Variants in ARFGEF3 observed in about 807,000 individuals in gnomAD.
ARFGEF3 encodes the protein ARFGEF family member 3.
Under a neutral mutation model 221.7 loss-of-function variants are expected in ARFGEF3, and 96 were observed. That is an observed-to-expected ratio of 0.43 (90% CI 0.37 to 0.51). ARFGEF3 has a LOEUF of 0.51. ARFGEF3 is among the 20% of genes least tolerant of loss of function. ARFGEF3 has a pLI of 0.00. For synonymous variants in ARFGEF3, 1,145 were observed against 1,126.8 expected (o/e 1.02, Z -0.32); for missense variants, 2,410 against 2,789.9 (o/e 0.86, Z 3.07).
At position 138,246,156 on chromosome 6, in the gene ARFGEF3, C is replaced by T. The variant is rs112544335; in HGVS notation, c.665+565C>T. On this transcript the variant is annotated intron_variant, in intron 8 of 33. Coordinates refer to ENST00000251691, the MANE Select transcript of ARFGEF3 (RefSeq NM_020340.5). ...TTCACTTAGGTGATGCCTGCTGCTC[C>T]ATCTTTCCGTGCAGTCATTAACAAG... is the stretch of plus-strand genomic sequence containing the variant. Among the ~76,000 whole-genome samples the T allele has an allele frequency of 1.3e-3, 192 of 152,300 alleles. 1 individual carries two copies. Among genetic ancestry groups the T allele is most frequent in the African/African-American group, 4.5e-3 (185 of 41,562 alleles).
chr6:138,209,543 G>A (rs1035498259), intron 3 of ARFGEF3, among the ~76,000 whole-genome samples: 3 of 152,070 alleles, frequency 2.0e-5, no homozygotes, highest in African/African-American at 7.2e-5. Flanking sequence ...TCCGCCTCCC[G>A]GGTTCAAGCA....
chr6:138,248,644 G>A (rs1482377714), intron 8 of ARFGEF3, among the ~76,000 whole-genome samples: 1 of 151,994 alleles, frequency 6.6e-6, no homozygotes, highest in East Asian at 1.9e-4. Context: ...GGCCAACATG[G>A]TGAAACCCCA....
At chr6:138,234,818 G>A (rs1778255782) in intron 5 of ARFGEF3, among the ~76,000 whole-genome samples, 1 of 151,932 alleles carries the variant, frequency 6.6e-6, no homozygotes, top group Non-Finnish European at 1.5e-5. Flanking sequence ...AAATATACTA[G>A]CTCACCTCTT....
chr6:138,265,149 C>T (rs1221506848), intron 12 of ARFGEF3, among the ~76,000 whole-genome samples: 7 of 152,026 alleles, frequency 4.6e-5, no homozygotes, highest in East Asian at 1.9e-4. Flanking sequence ...GTGATCCGCC[C>T]GCCTTGGCCT....
chr6:138,333,043 T>G (rs1373369911), intron 32 of ARFGEF3, among the ~76,000 whole-genome samples: 1 of 152,256 alleles, frequency 6.6e-6, no homozygotes, highest in Non-Finnish European at 1.5e-5. Context: ...TTAATAACGG[T>G]TGTCATAATT....
chr6:138,268,872 G>T (rs903404083), intron 12 of ARFGEF3, among the ~76,000 whole-genome samples: 6 of 152,194 alleles, frequency 3.9e-5, no homozygotes, highest in African/African-American at 1.4e-4. Flanking sequence ...AGATAGTGTA[G>T]CAAGTATAAA....
intron 32 of ARFGEF3, among the ~76,000 whole-genome samples, chr6:138,329,285 C>G (rs2114691916): frequency 6.6e-6 from 1 of 152,266 alleles, no homozygotes; most frequent in South Asian, 2.1e-4. Flanking sequence ...TATTCCTACT[C>G]CCATTTCACC....
intron 17 of ARFGEF3, among the ~76,000 whole-genome samples, chr6:138,289,400 C>G (rs943955267): frequency 2.0e-5 from 3 of 152,182 alleles, no homozygotes; most frequent in Non-Finnish European, 4.4e-5. Context: ...ATAATGAGAG[C>G]CTAACATTAC....
chr6:138,266,571 T>C (rs1474483503), intron 12 of ARFGEF3, among the ~76,000 whole-genome samples: 1 of 151,788 alleles, frequency 6.6e-6, no homozygotes. Context: ...ATAGTTCGGC[T>C]GGGTGCGGTG....
Position 138,191,348 on chromosome 6 carries a change from C to T in ARFGEF3, c.138-15694C>T, listed in dbSNP as rs114150969. Among the ~76,000 whole-genome samples, 481 of 152,196 alleles carry T rather than the reference C, an allele frequency of 3.2e-3. 4 individuals are homozygous for T. The highest frequency in any genetic ancestry group is 0.011 in the African/African-American group (454 of 41,516). On this transcript the variant is annotated intron_variant, in intron 2 of 33. Coordinates refer to ENST00000251691, the MANE Select transcript of ARFGEF3 (RefSeq NM_020340.5). ...ATCAAATTAAATGAGATAATGTATA[C>T]CAAGTCAGAATGCCTGGCACAGAGT... is the stretch of plus-strand genomic sequence containing the variant.
intron 12 of ARFGEF3, among the ~76,000 whole-genome samples, chr6:138,277,640 G>A (rs920075825): frequency 1.3e-5 from 2 of 152,044 alleles, no homozygotes; most frequent in Non-Finnish European, 2.9e-5. Context: ...TACTCATTCG[G>A]CAAATGTTTT....
At position 138,255,610 on chromosome 6, in the gene ARFGEF3, C is replaced by T. The variant is rs756701058; in HGVS notation, c.945C>T (p.Ser315=). The T allele has an allele frequency of 1.2e-5, 19 of 1,613,954 alleles. 1 individual carries two copies. The highest frequency in any genetic ancestry group is 9.9e-5 in the South Asian group (9 of 91,076). The part of the protein sequence containing the change: ...SGCSCTAPAL[S]GPVARTIYYI... ...GCTCCTGCACTGCGCCGGCCCTGAG[C>T]GGACCTGTGGCTCGGACTATCTATT... Residue 315 remains serine, a synonymous_variant, in exon 10 of 34, where the codon AGC becomes AGT. Coordinates refer to ENST00000251691, the MANE Select transcript of ARFGEF3 (RefSeq NM_020340.5).
intron 23 of ARFGEF3, among the ~76,000 whole-genome samples, chr6:138,308,004 C>T (rs982224025): frequency 4.6e-5 from 7 of 152,218 alleles, no homozygotes; most frequent in East Asian, 1.9e-4. Context: ...CCTGTGCTCT[C>T]GCCCTCCCAG....
chr6:138,292,041 C>A lies in ARFGEF3; in HGVS notation c.3356C>A (p.Thr1119Lys), dbSNP rs558711704. ...SAAKVVLTLS[T>K]QADRLFEDAT... ...GCCAAGGTGGTGCTCACCCTCTCCACGCAAGCCGACAGGTGCGCGGCGCCG... is the reference window on the plus strand; with the variant it reads ...GCCAAGGTGGTGCTCACCCTCTCCAAGCAAGCCGACAGGTGCGCGGCGCCG... The change falls in exon 19 of 34, where the codon ACG becomes AAG. Residue 1119 changes from threonine (T) to lysine (K), a missense_variant. Transcript: ENST00000251691. 1.4e-6 allele frequency: 2 copies of A among 1,450,538 alleles called. No individual in the cohort carries two copies. The highest frequency in any genetic ancestry group is 1.5e-5 in the African/African-American group (1 of 68,092). The allele number at this position is 1,450,538 out of a possible 1,614,324, so 89.9% of individuals were successfully genotyped here. A position where few individuals can be genotyped will look rare whatever the true frequency, so the allele number is the denominator to read the frequency against.
chr6:138,221,444 T>C (rs552758412), intron 4 of ARFGEF3, among the ~76,000 whole-genome samples: 37 of 152,326 alleles, frequency 2.4e-4, no homozygotes, highest in African/African-American at 8.9e-4. Context: ...AAAGAAATTA[T>C]TTGGTCTAAT....
At chr6:138,217,036 G>C (rs1433992777) in intron 4 of ARFGEF3, 1 of 152,234 alleles carries the variant, frequency 6.6e-6, no homozygotes, top group Admixed American at 6.5e-5. Context: ...GCCTTCAGCA[G>C]ATGGTAAAAA....
chr6:138,161,999 C>G lies in ARFGEF3; in HGVS notation c.-88C>G, dbSNP rs1776621691. The G allele has an allele frequency of 1.2e-6, 1 of 831,440 alleles. No homozygotes were observed. The highest frequency in any genetic ancestry group is 1.8e-5 in the African/African-American group (1 of 54,412). 51.5% of individuals were successfully genotyped at this position (831,440 alleles called of 1,614,324 possible). On this transcript the variant is annotated 5_prime_UTR_variant, in exon 1 of 34. Coordinates refer to ENST00000251691, the MANE Select transcript of ARFGEF3 (RefSeq NM_020340.5). Reference sequence around the variant, plus strand: ...GGCGCGCGCGGCGGCCGCCTAGGCGCCCAGGGCCAGGCAGCGGCGGCTTCC... The same window carrying G: ...GGCGCGCGCGGCGGCCGCCTAGGCGGCCAGGGCCAGGCAGCGGCGGCTTCC...
At position 138,295,079 on chromosome 6, in the gene ARFGEF3, G is replaced by A. The variant is rs142270600; in HGVS notation, c.3502+953G>A. Among the ~76,000 whole-genome samples the A allele has an allele frequency of 2.3e-3, 350 of 152,252 alleles. 1 individual carries two copies. The highest frequency in any genetic ancestry group is 5.9e-3 in the Admixed American group (90 of 15,294). ...TTTCAGAGAATCTCTGAGCCTGGGG[G>A]TAACCTTCAAAGTCTTTCGCATTGG... On this transcript the variant is annotated intron_variant, in intron 20 of 33. Coordinates refer to ENST00000251691, the MANE Select transcript of ARFGEF3 (RefSeq NM_020340.5).
intron 26 of ARFGEF3, among the ~76,000 whole-genome samples, chr6:138,316,835 T>G (rs923411371): frequency 6.6e-6 from 1 of 152,216 alleles, no homozygotes; most frequent in African/African-American, 2.4e-5. Context: ...ACCTCTGAAT[T>G]GTACTCGTAG....
Sources: gnomAD v4.1 joint callset for allele counts (sites outside exome capture counted in the v4.1 genomes callset) on GRCh38, gnomAD v4.1.1 for gene constraint, MANE v1.5 for transcripts, NCBI Gene and HGNC (gene_info 2026-07-23, HGNC 2026-07-21) for gene names.